Variants in UNC5D observed in about 807,000 individuals in gnomAD.
The protein encoded by UNC5D is netrin receptor UNC5D.
A neutral mutation model predicts 105.4 loss-of-function variants in UNC5D; 39 were observed. That is an observed-to-expected ratio of 0.37 (90% CI 0.29 to 0.48). UNC5D has a LOEUF of 0.48. Among genes scored for constraint, UNC5D ranks in the 20% least tolerant of loss-of-function variants. UNC5D has a pLI of 0.98. For synonymous variants in UNC5D, 452 were observed against 450.4 expected (o/e 1.00, Z -0.04); for missense variants, 991 against 1,202.4 (o/e 0.82, Z 2.60).
At chr8:35,546,442 T>C (rs1815683956) in intron 1 of UNC5D, among the ~76,000 whole-genome samples, 1 of 152,228 alleles carries the variant, frequency 6.6e-6, no homozygotes, top group Non-Finnish European at 1.5e-5. Context: ...TTGTGCCAGA[T>C]ACATAGACGT....
intron 13 of UNC5D, among the ~76,000 whole-genome samples, chr8:35,754,579 T>C (rs768606829): frequency 6.6e-6 from 1 of 152,148 alleles, no homozygotes; most frequent in Non-Finnish European, 1.5e-5. Context: ...AGAAGGAACG[T>C]GTAGAGACTC....
chr8:35,365,436 G>GA (rs1215554478), intron 1 of UNC5D, among the ~76,000 whole-genome samples: 11 of 151,816 alleles, frequency 7.2e-5, no homozygotes, highest in Non-Finnish European at 8.8e-5. Flanking sequence ...ATTGGTATCT[G>GA]AAAAAAACCA....
At chr8:35,553,865 A>C (rs1442217610) in intron 2 of UNC5D, among the ~76,000 whole-genome samples, 1 of 152,182 alleles carries the variant, frequency 6.6e-6, no homozygotes, top group Non-Finnish European at 1.5e-5. Flanking sequence ...TTCGTAAAAT[A>C]ATTCCTGCCA....
At chr8:35,360,266 A>G (rs1042337478) in intron 1 of UNC5D, among the ~76,000 whole-genome samples, 1 of 152,168 alleles carries the variant, frequency 6.6e-6, no homozygotes, top group African/African-American at 2.4e-5. Flanking sequence ...CCTTTTACAT[A>G]CAAATGTGAA....
At chr8:35,400,433 G>T (rs776161156) in intron 1 of UNC5D, among the ~76,000 whole-genome samples, 2 of 151,968 alleles carry the variant, frequency 1.3e-5, no homozygotes, top group Non-Finnish European at 2.9e-5. Context: ...TCATTATCCC[G>T]GATTACGCTA....
At chr8:35,730,796 G>T (rs1045653598) in intron 10 of UNC5D, among the ~76,000 whole-genome samples, 7 of 151,790 alleles carry the variant, frequency 4.6e-5, no homozygotes. Context: ...ACTAATTTGA[G>T]TACTCAGTTG....
chr8:35,586,997 G>A (rs1818832318), intron 3 of UNC5D, among the ~76,000 whole-genome samples: 1 of 152,168 alleles, frequency 6.6e-6, no homozygotes, highest in Non-Finnish European at 1.5e-5. Flanking sequence ...ATGGGGTGAG[G>A]AAGGGGAGGC....
chr8:35,717,816 C>T (rs957003125), intron 8 of UNC5D, among the ~76,000 whole-genome samples: 12 of 152,178 alleles, frequency 7.9e-5, no homozygotes, highest in South Asian at 2.1e-4. Flanking sequence ...CACTGAGCAC[C>T]TACAAAGACG....
At chr8:35,673,722 C>T (rs1344473197) in intron 4 of UNC5D, among the ~76,000 whole-genome samples, 1 of 152,114 alleles carries the variant, frequency 6.6e-6, no homozygotes, top group Non-Finnish European at 1.5e-5. Flanking sequence ...CACAAGATGG[C>T]TGCCATATTG....
At chr8:35,602,043 C>T (rs1272875695) in intron 4 of UNC5D, among the ~76,000 whole-genome samples, 1 of 152,168 alleles carries the variant, frequency 6.6e-6, no homozygotes, top group Non-Finnish European at 1.5e-5. Flanking sequence ...TTTTCTGCAT[C>T]TATTGAGATC....
At chr8:35,573,741 A>ATG (rs1817907288) in intron 3 of UNC5D, among the ~76,000 whole-genome samples, 1 of 152,186 alleles carries the variant, frequency 6.6e-6, no homozygotes, top group Admixed American at 6.5e-5. Flanking sequence ...GTGTGTGTAC[A>ATG]CATGCATGCA....
At chr8:35,619,855 G>T (rs530363593) in intron 4 of UNC5D, among the ~76,000 whole-genome samples, 6 of 152,248 alleles carry the variant, frequency 3.9e-5, no homozygotes, top group Non-Finnish European at 7.4e-5. Context: ...AAGCTCTTTT[G>T]TTCTTTCTAC....
At chr8:35,724,118 T>A in intron 9 of UNC5D, 1 of 1,405,338 alleles carries the variant, frequency 7.1e-7, no homozygotes, top group Non-Finnish European at 9.3e-7. Flanking sequence ...GAAGGGTGGA[T>A]CCCTGGCCTA....
intron 1 of UNC5D, among the ~76,000 whole-genome samples, chr8:35,498,299 A>G (rs765516734): frequency 2.6e-5 from 4 of 151,702 alleles, no homozygotes; most frequent in Non-Finnish European, 5.9e-5. Context: ...GGTTGGTTGG[A>G]GCAGATTGGA....
intron 1 of UNC5D, among the ~76,000 whole-genome samples, chr8:35,465,931 A>G (rs1417696137): frequency 6.6e-6 from 1 of 152,174 alleles, no homozygotes; most frequent in Non-Finnish European, 1.5e-5. Context: ...CCATGAGCCA[A>G]GGTGTGTGGG....
At chr8:35,289,454 A>G (rs1443704030) in intron 1 of UNC5D, among the ~76,000 whole-genome samples, 1 of 152,240 alleles carries the variant, frequency 6.6e-6, no homozygotes, top group Non-Finnish European at 1.5e-5. Context: ...CAGATCATCT[A>G]GATGGAAAAG....
intron 3 of UNC5D, among the ~76,000 whole-genome samples, chr8:35,593,741 C>A (rs1819318550): frequency 6.6e-6 from 1 of 151,968 alleles, no homozygotes; most frequent in Non-Finnish European, 1.5e-5. Flanking sequence ...CCAGCCTGGG[C>A]GGGAGCAAGG....
Position 35,774,483 on chromosome 8 carries a change from T to G in UNC5D, c.2657+6T>G, listed in dbSNP as rs750235001. The stretch of plus-strand genomic sequence containing the variant: ...CAGAAAAACAGCATCAACAGGTAAT[T>G]GGGGACAGCTTCTGGAAGACGATGT... On this transcript the variant is annotated splice_donor_region_variant and intron_variant, in intron 16 of 16. Transcript: ENST00000404895. 1 of 1,613,726 alleles carries G rather than the reference T, an allele frequency of 6.2e-7. No homozygotes were observed. The highest frequency in any genetic ancestry group is 8.5e-7 in the Non-Finnish European group (1 of 1,179,830).
intron 13 of UNC5D, among the ~76,000 whole-genome samples, chr8:35,756,569 A>T (rs1395898871): frequency 1.4e-5 from 2 of 139,260 alleles, no homozygotes; most frequent in Non-Finnish European, 3.0e-5. Context: ...AAAAAAAAAG[A>T]AAAAAAGAAA....
Sources: gnomAD v4.1 joint callset for allele counts (sites outside exome capture counted in the v4.1 genomes callset) on GRCh38, gnomAD v4.1.1 for gene constraint, MANE v1.5 for transcripts, NCBI Gene and HGNC (gene_info 2026-07-23, HGNC 2026-07-21) for gene names.